The following NCOA3 variants were observed in gnomAD, a reference collection of about 807,000 sequenced individuals.
The protein encoded by NCOA3 is nuclear receptor coactivator 3.
NCOA3 carries 51 observed loss-of-function variants against 158.8 expected under a neutral mutation model. The observed-to-expected ratio is 0.32, with a 90% CI of 0.26 to 0.41. The LOEUF is 0.41. NCOA3 is among the 10% of genes least tolerant of loss of function. NCOA3 has a pLI of 1.00. For synonymous variants in NCOA3, 537 were observed against 592.4 expected, an observed-to-expected ratio of 0.91 and a Z score of 1.36; for missense variants, 1,510 against 1,746.6, an observed-to-expected ratio of 0.86 and a Z score of 2.41.
chr20:47,528,264 C>T (rs758609456), intron 1 of NCOA3, among the ~76,000 whole-genome samples: 3 of 152,130 alleles, frequency 2.0e-5, no homozygotes, highest in South Asian at 4.2e-4. Context: ...GGAACATTTA[C>T]ATTCTTAAAC....
intron 1 of NCOA3, among the ~76,000 whole-genome samples, chr20:47,554,898 A>G (rs1259845620): frequency 6.6e-6 from 1 of 152,196 alleles, no homozygotes; most frequent in African/African-American, 2.4e-5. Flanking sequence ...CCACATTGCC[A>G]AGTCAATCCT....
intron 1 of NCOA3, among the ~76,000 whole-genome samples, chr20:47,559,340 A>G (rs764984314): frequency 3.7e-4 from 56 of 152,282 alleles, no homozygotes; most frequent in Non-Finnish European, 7.3e-4. Flanking sequence ...GCCTTCTTAT[A>G]CAACCAAAAG....
At chr20:47,514,659 G>C (rs547136621) in intron 1 of NCOA3, among the ~76,000 whole-genome samples, 1 of 150,744 alleles carries the variant, frequency 6.6e-6, no homozygotes, top group African/African-American at 2.4e-5. Flanking sequence ...CTCCCAAAGT[G>C]CTGGGATCAC....
intron 1 of NCOA3, among the ~76,000 whole-genome samples, chr20:47,548,947 T>C (rs1382730274): frequency 6.6e-6 from 1 of 152,208 alleles, no homozygotes; most frequent in African/African-American, 2.4e-5. Flanking sequence ...AATAGTGAAT[T>C]ATTATTATTG....
chr20:47,648,906 T>A, intron 18 of NCOA3, 99 bp from the exon 19 acceptor site: 1 of 676,652 alleles, frequency 1.5e-6, no homozygotes, highest in East Asian at 2.6e-5. Flanking sequence ...TTATTGTGTT[T>A]GGAGATATTA....
chr20:47,508,795 A>G (rs1006768418), intron 1 of NCOA3, among the ~76,000 whole-genome samples: 3 of 152,190 alleles, frequency 2.0e-5, no homozygotes, highest in African/African-American at 7.2e-5. Flanking sequence ...TACCTGATCA[A>G]TATATTTTGT....
At chr20:47,603,154 A>C (rs762174819) in intron 2 of NCOA3, among the ~76,000 whole-genome samples, 3 of 152,252 alleles carry the variant, frequency 2.0e-5, no homozygotes, top group Non-Finnish European at 4.4e-5. Context: ...GACCACTACC[A>C]AAACTTCATT....
chr20:47,576,494 GAAGA>G (rs2085374160), intron 1 of NCOA3, among the ~76,000 whole-genome samples: 1 of 152,082 alleles, frequency 6.6e-6, no homozygotes, highest in African/African-American at 2.4e-5. Context: ...CAGATTTCAA[GAAGA>G]AAGAAGATAA....
At chr20:47,555,379 T>C (rs1270035378) in intron 1 of NCOA3, among the ~76,000 whole-genome samples, 2 of 152,230 alleles carry the variant, frequency 1.3e-5, no homozygotes, top group African/African-American at 4.8e-5. Context: ...ATCTTCCATC[T>C]TTCTTTTACT....
At position 47,527,972 on chromosome 20, in the gene NCOA3, T is replaced by G. The variant is rs186935613; in HGVS notation, c.-99+25953T>G. On this transcript the variant is annotated intron_variant, in intron 1 of 22. Transcript: ENST00000371998. ...AGGTTGCTTTTCTGTTACTGAATTCTTAGAAAAAACTGAGTTCTTAGGAAA... is the reference window on the plus strand; with the variant it reads ...AGGTTGCTTTTCTGTTACTGAATTCGTAGAAAAAACTGAGTTCTTAGGAAA... 9.7e-4 allele frequency among the ~76,000 whole-genome samples: 148 copies of G among 152,328 alleles called. 2 individuals are homozygous for G. Among genetic ancestry groups the G allele is most frequent in the Admixed American group, 7.2e-3 (110 of 15,292 alleles).
chr20:47,584,129 C>A (rs2085496357), intron 2 of NCOA3, among the ~76,000 whole-genome samples: 1 of 151,762 alleles, frequency 6.6e-6, no homozygotes, highest in African/African-American at 2.4e-5. Flanking sequence ...ACCCCCAGTT[C>A]TACAAAACAC....
chr20:47,605,286 C>T (rs537234664), intron 2 of NCOA3, among the ~76,000 whole-genome samples: 2 of 152,166 alleles, frequency 1.3e-5, no homozygotes, highest in East Asian at 3.9e-4. Flanking sequence ...GCCACCTATA[C>T]CTCTGTTTTT....
At chr20:47,569,211 G>T (rs2085251453) in intron 1 of NCOA3, among the ~76,000 whole-genome samples, 1 of 152,050 alleles carries the variant, frequency 6.6e-6, no homozygotes, top group Non-Finnish European at 1.5e-5. Flanking sequence ...GCTGGGCATG[G>T]TGGCATGCGC....
rs748974462 is a variant in NCOA3 at position 47,636,132 on chromosome 20, T to C, written c.1746T>C (p.Ser582=). Residue 582 remains serine (S), a synonymous_variant, in exon 12 of 23, where the codon AGT becomes AGC. Transcript: ENST00000371998. ...GFYCDQNPVE[S]SMCQSNSRDH... ...ATTGCGACCAAAATCCAGTGGAGAG[T>C]TCAATGTGTCAGTCAAATAGCAGAG... 6.2e-7 allele frequency: 1 copy of C among 1,613,708 alleles called. No individual in the cohort carries two copies. The highest frequency in any genetic ancestry group is 8.5e-7 in the Non-Finnish European group (1 of 1,179,946).
At chr20:47,506,666 T>G (rs1423341467) in intron 1 of NCOA3, among the ~76,000 whole-genome samples, 1 of 152,232 alleles carries the variant, frequency 6.6e-6, no homozygotes, top group East Asian at 1.9e-4. Context: ...CGGACCTGAC[T>G]GGCAAACAGG....
intron 1 of NCOA3, among the ~76,000 whole-genome samples, chr20:47,573,981 T>C (rs1266703044): frequency 6.7e-6 from 1 of 150,102 alleles, no homozygotes; most frequent in Non-Finnish European, 1.5e-5. Context: ...AAGGGGTCAG[T>C]TTGTTTGAAC....
At chr20:47,587,283 C>T (rs762174743) in intron 2 of NCOA3, among the ~76,000 whole-genome samples, 1 of 152,128 alleles carries the variant, frequency 6.6e-6, no homozygotes, top group African/African-American at 2.4e-5. Flanking sequence ...AGTGAAACTC[C>T]TGTAAGTGGG....
At chr20:47,636,888 A>G (rs964242158) in intron 12 of NCOA3, 126 bp downstream of exon 12, 15 of 889,820 alleles carry the variant, frequency 1.7e-5, no homozygotes, top group Middle Eastern at 3.4e-4. Context: ...TCATTTCTTT[A>G]TAATTATTTT....
At chr20:47,555,632 GTT>G (rs74178745) in intron 1 of NCOA3, among the ~76,000 whole-genome samples, 4,705 of 64,542 alleles carry the variant, frequency 0.073, 16 homozygotes, top group Middle Eastern at 0.16. Flanking sequence ...CTATTAAAGT[GTT>G]TTTTTTTTTT....
Sources: allele counts gnomAD v4.1 joint callset (sites outside exome capture counted in the v4.1 genomes callset), GRCh38; gene constraint gnomAD v4.1.1; transcripts MANE v1.5; gene names NCBI Gene and HGNC (gene_info 2026-07-23, HGNC 2026-07-21).